IL21R: variants seen among roughly 807,000 people sequenced by gnomAD.
The protein encoded by IL21R is interleukin 21 receptor.
Under a neutral mutation model 41.3 loss-of-function variants are expected in IL21R, and 14 were observed. That is an observed-to-expected ratio of 0.34 (90% CI 0.22 to 0.53). The LOEUF (loss-of-function observed/expected upper bound fraction) is 0.53. IL21R is among the 20% of genes least tolerant of loss of function. The pLI is 0.94. For synonymous variants in IL21R, 286 were observed against 287.6 expected (o/e 0.99, Z 0.05); for missense variants, 588 against 681.6 (o/e 0.86, Z 1.53).
chr16:27,438,538 A>G (rs2087314471), intron 4 of IL21R, among the ~76,000 whole-genome samples: 1 of 151,904 alleles, frequency 6.6e-6, no homozygotes, highest in Non-Finnish European at 1.5e-5. Flanking sequence ...CAACCTGGGC[A>G]ATATAGCGAG....
chr16:27,444,395 G>A (rs974363654), intron 5 of IL21R, 147 bp from the exon 6 acceptor site: 11 of 499,014 alleles, frequency 2.2e-5, no homozygotes, highest in Middle Eastern at 5.2e-4. Context: ...CCTGAGTCCA[G>A]CTACTCAGGC....
intron 8 of IL21R, chr16:27,447,980 A>G (rs2141317150): frequency 6.5e-6 from 1 of 153,154 alleles, no homozygotes; most frequent in Admixed American, 6.5e-5. Context: ...CCCTTCTACA[A>G]GTAGGGAAAC....
chr16:27,419,510 C>T (rs887100508), intron 1 of IL21R, among the ~76,000 whole-genome samples: 5 of 152,222 alleles, frequency 3.3e-5, no homozygotes, highest in East Asian at 1.9e-4. Context: ...TCACTGCAGC[C>T]TCCACCTCCT....
chr16:27,410,168 T>C (rs1370345606), intron 1 of IL21R, among the ~76,000 whole-genome samples: 1 of 152,078 alleles, frequency 6.6e-6, no homozygotes, highest in Admixed American at 6.5e-5. Flanking sequence ...AAACCCTGTC[T>C]CCACTAAAAA....
At chr16:27,419,293 G>A (rs542888346) in intron 1 of IL21R, among the ~76,000 whole-genome samples, 1 of 152,298 alleles carries the variant, frequency 6.6e-6, no homozygotes, top group East Asian at 1.9e-4. Flanking sequence ...CAATATGACT[G>A]TCTTCCACCT....
intron 1 of IL21R, among the ~76,000 whole-genome samples, chr16:27,407,959 C>G (rs1373662537): frequency 6.6e-6 from 1 of 152,190 alleles, no homozygotes; most frequent in African/African-American, 2.4e-5. Flanking sequence ...CTACATAGGT[C>G]TTAACATTGA....
At chr16:27,419,747 G>A (rs910171227) in intron 1 of IL21R, among the ~76,000 whole-genome samples, 1 of 151,296 alleles carries the variant, frequency 6.6e-6, no homozygotes, top group Non-Finnish European at 1.5e-5. Flanking sequence ...TTTTAAGTAA[G>A]TACAAGGAGC....
chr16:27,438,179 G>A (rs944323608), intron 4 of IL21R, among the ~76,000 whole-genome samples: 2 of 152,192 alleles, frequency 1.3e-5, no homozygotes, highest in Non-Finnish European at 2.9e-5. Flanking sequence ...CCATGGATGA[G>A]GCATACCTAC....
chr16:27,435,635 G>A (rs2087256081), intron 3 of IL21R, among the ~76,000 whole-genome samples: 1 of 151,604 alleles, frequency 6.6e-6, no homozygotes, highest in East Asian at 1.9e-4. Flanking sequence ...TGTAGTTTTT[G>A]TAAAGACAGG....
intron 6 of IL21R, 122 bp from the exon 7 acceptor site, chr16:27,445,055 T>C: frequency 1.4e-6 from 1 of 696,360 alleles, no homozygotes; most frequent in South Asian, 1.7e-5. Flanking sequence ...TTCAAGACAC[T>C]AGCAGTAACA....
intron 8 of IL21R, chr16:27,447,730 G>C (rs2087507535): frequency 6.6e-6 from 1 of 152,246 alleles, no homozygotes; most frequent in Non-Finnish European, 1.5e-5. Flanking sequence ...TACAGCCATG[G>C]ACAGAAGAGA....
At chr16:27,441,966 C>T (rs776236459) in intron 4 of IL21R, among the ~76,000 whole-genome samples, 9 of 152,150 alleles carry the variant, frequency 5.9e-5, no homozygotes, top group Admixed American at 3.3e-4. Flanking sequence ...GAGCTATGAT[C>T]GCACCACTGC....
At chr16:27,444,205 CA>C (rs1356469218) in intron 5 of IL21R, among the ~76,000 whole-genome samples, 2 of 151,608 alleles carry the variant, frequency 1.3e-5, no homozygotes, top group African/African-American at 4.8e-5. Context: ...TGAAGAATTC[CA>C]AAAGTATGCA....
chr16:27,436,904 C>A (rs1024943789), intron 3 of IL21R, among the ~76,000 whole-genome samples: 1 of 152,134 alleles, frequency 6.6e-6, no homozygotes, highest in Non-Finnish European at 1.5e-5. Flanking sequence ...GGGACCCCAT[C>A]TCTACAAAAA....
intron 1 of IL21R, among the ~76,000 whole-genome samples, chr16:27,423,375 T>C (rs2087026564): frequency 6.6e-6 from 1 of 152,158 alleles, no homozygotes; most frequent in Non-Finnish European, 1.5e-5. Context: ...TGGTATGAAA[T>C]AGTTTGAACA....
In IL21R at chr16:27,444,643, G is replaced by T; in HGVS notation, c.609G>T (p.Gly203=). 6.3e-7 allele frequency: 1 copy of T among 1,586,158 alleles called. No homozygotes were observed. The highest frequency in any genetic ancestry group is 8.6e-7 in the Non-Finnish European group (1 of 1,166,398). The change falls in exon 6 of 9, where the codon GGG becomes GGT. Residue 203 remains glycine (G), a synonymous_variant. Coordinates refer to ENST00000337929, the MANE Select transcript of IL21R (RefSeq NM_181078.3). ...DSSYELQVRA[G]PMPGSSYQGT... ...GCTATGAGCTGCAGGTGCGGGCAGG[G>T]CCCATGCCTGGCTCCTCCTACCAGG...
intron 4 of IL21R, 46 bp from the exon 5 acceptor site, chr16:27,442,916 C>T (rs766445621): frequency 1.3e-6 from 2 of 1,535,800 alleles, no homozygotes; most frequent in Admixed American, 3.7e-5. Context: ...TTTTCACCTG[C>T]AGCAAATTCT....
chr16:27,410,303 G>A, intron 1 of IL21R, among the ~76,000 whole-genome samples: 1 of 150,448 alleles, frequency 6.6e-6, no homozygotes, highest in East Asian at 1.9e-4. Context: ...TCTAGTGACA[G>A]AGCTGAGTGA....
chr16:27,451,420 G>A lies in IL21R; in HGVS notation c.*2137G>A, dbSNP rs2087596196. The stretch of plus-strand genomic sequence containing the variant: ...CAGCTTATAAACACAGAGGAGCAAA[G>A]TTGGAGGGCCGGGCGTAGTGGCTCA... On this transcript the variant is annotated 3_prime_UTR_variant, in exon 9 of 9. Coordinates refer to ENST00000337929, the MANE Select transcript of IL21R (RefSeq NM_181078.3). The A allele has an allele frequency of 4.5e-6, 1 of 223,178 alleles. No individual in the cohort carries two copies. The highest frequency in any genetic ancestry group is 6.5e-5 in the East Asian group (1 of 15,486). The allele number at this position is 223,178 out of a possible 1,614,324, so 13.8% of individuals were successfully genotyped here. A position where few individuals can be genotyped will look rare whatever the true frequency, so the allele number is the denominator to read the frequency against.
Sources: allele counts gnomAD v4.1 joint callset (sites outside exome capture counted in the v4.1 genomes callset), GRCh38; gene constraint gnomAD v4.1.1; transcripts MANE v1.5; gene names NCBI Gene and HGNC (gene_info 2026-07-23, HGNC 2026-07-21).